The following ATXN2 variants were observed in gnomAD, a reference collection of about 807,000 sequenced individuals.
ATXN2 encodes ataxin-2.
A neutral mutation model predicts 138.6 loss-of-function variants in ATXN2; 37 were observed. That is an observed-to-expected ratio of 0.27 (90% confidence interval 0.21 to 0.35). The LOEUF is 0.35. Among genes scored for constraint, ATXN2 ranks in the 10% least tolerant of loss-of-function variants. The pLI, the probability that ATXN2 is intolerant of heterozygous loss-of-function variation, is 1.00. For synonymous variants in ATXN2, 549 were observed against 543.7 expected (o/e 1.01, Z -0.13); for missense variants, 1,216 against 1,480.3 (o/e 0.82, Z 2.93).
At chr12:111,555,797 A>C in intron 2 of ATXN2, 86 bp downstream of exon 2, 1 of 1,109,570 alleles carries the variant, frequency 9.0e-7, no homozygotes, top group Non-Finnish European at 1.3e-6. Context: ...AAAGAAGGGA[A>C]TCTTTTGCCT....
intron 1 of ATXN2, among the ~76,000 whole-genome samples, chr12:111,565,995 C>CA (rs879709372): frequency 0.03 from 3,152 of 105,760 alleles, 80 homozygotes; most frequent in African/African-American, 0.087. Context: ...GATTCTGTCT[C>CA]AAAAAAAAAA....
chr12:111,502,738 G>A (rs948875591), intron 14 of ATXN2, among the ~76,000 whole-genome samples: 2 of 152,072 alleles, frequency 1.3e-5, no homozygotes, highest in Non-Finnish European at 2.9e-5. Context: ...GCAGAAAACT[G>A]AAATTCTTAT....
chr12:111,464,249 T>TGTGG (rs1875809529), intron 21 of ATXN2, among the ~76,000 whole-genome samples: 1 of 135,168 alleles, frequency 7.4e-6, no homozygotes, highest in African/African-American at 2.9e-5. Context: ...TGGCTTGGGG[T>TGTGG]GTGTGTGTGT....
intron 6 of ATXN2, among the ~76,000 whole-genome samples, 190 bp from the exon 7 acceptor site, chr12:111,521,163 A>G (rs1880138907): frequency 6.6e-6 from 1 of 152,250 alleles, no homozygotes; most frequent in South Asian, 2.1e-4. Context: ...TTGATAAGTA[A>G]CTATACAACA....
At chr12:111,558,823 A>ATAC (rs1882520391) in intron 1 of ATXN2, among the ~76,000 whole-genome samples, 2 of 152,060 alleles carry the variant, frequency 1.3e-5, no homozygotes. Context: ...AATAATAATA[A>ATAC]TACAGAAGGG....
At chr12:111,558,219 T>C (rs1882492299) in intron 1 of ATXN2, among the ~76,000 whole-genome samples, 1 of 152,238 alleles carries the variant, frequency 6.6e-6, no homozygotes. Flanking sequence ...CAGTATTCTC[T>C]GAAATCCACT....
chr12:111,565,194 A>C (rs367808588), intron 1 of ATXN2, among the ~76,000 whole-genome samples: 15 of 152,118 alleles, frequency 9.9e-5, no homozygotes, highest in South Asian at 4.1e-4. Flanking sequence ...ACTAGTGTAC[A>C]TGTGATGGCA....
intron 19 of ATXN2, 27 bp downstream of exon 19, chr12:111,470,531 T>C (rs374903849): frequency 6.2e-7 from 1 of 1,604,568 alleles, no homozygotes; most frequent in Non-Finnish European, 8.5e-7. Context: ...GGTACAAAAA[T>C]TAAGAGTTAG....
intron 18 of ATXN2, among the ~76,000 whole-genome samples, chr12:111,483,194 T>TACACACACACACACACACAC (rs59840296): frequency 1.0e-5 from 1 of 95,422 alleles, no homozygotes; most frequent in Non-Finnish European, 1.9e-5. Context: ...ATCAAACACA[T>TACACACACACACACACACAC]ACACACACAC....
In ATXN2 at chr12:111,455,815, C is replaced by T. The variant is rs954815250; in HGVS notation, c.3270+214G>A. ...TATTTTTAAGGTCTCAGTTGGAAAA[C>T]TAAAGGACTGACCAATCAGCACCTT... On this transcript the variant is annotated intron_variant, in intron 23 of 24. Transcript: ENST00000673436. 46 of 618,260 alleles carry T rather than the reference C, an allele frequency of 7.4e-5. No homozygotes were observed. In the African/African-American group the frequency reaches 7.9e-4, roughly 11 times the overall value. The allele number at this position is 618,260 out of a possible 1,614,324, so 38.3% of individuals were successfully genotyped here.
chr12:111,582,705 G>A (rs144032673), intron 1 of ATXN2, among the ~76,000 whole-genome samples: 5,631 of 152,242 alleles, frequency 0.037, 365 homozygotes, highest in African/African-American at 0.13. Context: ...TCGCTCTGTC[G>A]CCCAGCAGGC....
rs1187452732 is a variant in ATXN2, at chr12:111,457,353, G to A, written c.2903C>T (p.Thr968Met). 3.7e-6 allele frequency: 6 copies of A among 1,608,124 alleles called. No homozygotes were observed. The highest frequency in any genetic ancestry group is 2.2e-5 in the East Asian group (1 of 44,830). ...CGCATACTGCTGAGCAAGGGAGCCC[G>A]TGGAAACTAAAGTGAAAGAAAAAGG... is the stretch of plus-strand genomic sequence containing the variant. Reference protein sequence around the residue: ...TSPSFYFAISTGSLAQQYAHP... With the variant: ...TSPSFYFAISMGSLAQQYAHP... The change falls in exon 22 of 25, where the codon ACG becomes ATG. Residue 968 changes from threonine to methionine, a missense_variant. Physicochemically the swap from Thr to Met is moderately conservative, Grantham distance 81 (BLOSUM62 -1). Around this residue, in one of 4 missense-constraint regions of ATXN2, gnomAD observed 490 missense variants for 653.5 expected, o/e 0.75. Transcript: ENST00000673436.
At chr12:111,509,792 A>T in intron 13 of ATXN2, 99 bp downstream of exon 13, 1 of 1,032,628 alleles carries the variant, frequency 9.7e-7, no homozygotes, top group Non-Finnish European at 1.4e-6. Flanking sequence ...TCACAATAGT[A>T]AGAAGAAATG....
chr12:111,554,336 T>C lies in ATXN2; in HGVS notation c.289-119A>G, dbSNP rs115639850. 6.0e-3 allele frequency: 3,697 copies of C among 620,228 alleles called. 141 individuals carry two copies. The African/African-American group carries it at 0.065, about 11-fold the overall frequency. 38.4% of individuals were successfully genotyped at this position (620,228 alleles called of 1,614,324 possible). A position where few individuals can be genotyped will look rare whatever the true frequency, so the allele number is the denominator to read the frequency against. ...CGGATTTTTTTCGGATTTGGGGATA[T>C]TTGCATTATACTTAGTGCTTGAACA... On this transcript the variant is annotated intron_variant, in intron 2 of 24. Coordinates refer to ENST00000673436, the MANE Select transcript of ATXN2 (RefSeq NM_001372574.1).
chr12:111,548,821 C>T (rs755729528), intron 5 of ATXN2, among the ~76,000 whole-genome samples: 6 of 152,058 alleles, frequency 3.9e-5, no homozygotes, highest in African/African-American at 7.2e-5. Context: ...CGGGTTCAAG[C>T]GATTCTTCTG....
rs559603654 is a variant in ATXN2 at position 111,570,638 on chromosome 12, C to T, written c.252-14719G>A. On this transcript the variant is annotated intron_variant, in intron 1 of 24. Coordinates refer to ENST00000673436, the MANE Select transcript of ATXN2 (RefSeq NM_001372574.1). ...ACTTCCTCCTCTCTTCATGGCCTTA[C>T]TGAAAACTGCTTATCTTCCTTGAAG... Among the ~76,000 whole-genome samples the T allele has an allele frequency of 5.9e-5, 9 of 152,244 alleles. No individual in the cohort carries two copies. In the South Asian group the frequency reaches 1.9e-3, roughly 32 times the overall value.
Position 111,509,928 on chromosome 12 carries a change from A to T in ATXN2, c.1827T>A (p.Asn609Lys). 2 of 1,613,260 alleles carry T rather than the reference A, an allele frequency of 1.2e-6. No homozygotes were observed. Among genetic ancestry groups the T allele is most frequent in the Non-Finnish European group, 1.7e-6 (2 of 1,179,588 alleles). ...CTTTTGAGAAGCTAGGTGATGTTTCATTGGGTTTAATATTTTCTTTATTCC... is the reference window on the plus strand; with the variant it reads ...CTTTTGAGAAGCTAGGTGATGTTTCTTTGGGTTTAATATTTTCTTTATTCC... ...PAGNKENIKP[N>K]ETSPSFSKAE... Residue 609 changes from asparagine (N) to lysine (K), a missense_variant, in exon 13 of 25, where the codon AAT becomes AAA. Asn to Lys is a moderately conservative substitution (Grantham distance 94). Transcript: ENST00000673436.
intron 1 of ATXN2, among the ~76,000 whole-genome samples, chr12:111,576,132 T>TAACATAACATAACAACA (rs147474684): frequency 7.2e-6 from 1 of 138,488 alleles, no homozygotes; most frequent in African/African-American, 2.6e-5. Flanking sequence ...TAACATAACA[T>TAACATAACATAACAACA]AACATCACAC....
At chr12:111,509,714 T>C (rs974598847) in intron 13 of ATXN2, 95 bp from the exon 14 acceptor site, 1 of 943,238 alleles carries the variant, frequency 1.1e-6, no homozygotes, top group African/African-American at 1.7e-5. Flanking sequence ...GAATAAGATA[T>C]AAGATCAGAA....
Sources: gnomAD v4.1 joint callset for allele counts (sites outside exome capture counted in the v4.1 genomes callset) on GRCh38, gnomAD v4.1.1 for gene constraint, gnomAD v4.1.1 regional missense constraint, MANE v1.5 for transcripts, NCBI Gene and HGNC (gene_info 2026-07-23, HGNC 2026-07-21) for gene names.